The following NRXN1 variants were observed in gnomAD, a reference collection of about 807,000 sequenced individuals.
NRXN1 encodes the protein neurexin 1.
In NRXN1, 39 loss-of-function variants were observed where a neutral mutation model predicts 150.9. That is an observed-to-expected ratio of 0.26 (90% CI 0.20 to 0.34). The LOEUF (loss-of-function observed/expected upper bound fraction) is 0.34. Among genes scored for constraint, NRXN1 ranks in the 10% least tolerant of loss-of-function variants. The pLI, the probability that NRXN1 is intolerant of heterozygous loss-of-function variation, is 1.00. For synonymous variants in NRXN1, 924 were observed against 757.0 expected, an observed-to-expected ratio of 1.22 and a Z score of -3.62; for missense variants, 1,815 against 1,949.9, an observed-to-expected ratio of 0.93 and a Z score of 1.30.
chr2:50,887,679 A>G (rs1231192788), intron 5 of NRXN1, among the ~76,000 whole-genome samples: 1 of 151,364 alleles, frequency 6.6e-6, no homozygotes, highest in Non-Finnish European at 1.5e-5. Context: ...TTTGGAATAC[A>G]TTTTTCATAA....
Position 50,198,968 on chromosome 2 carries a change from C to T in NRXN1, c.3546+37821G>A, listed in dbSNP as rs144730390. 8.8e-3 allele frequency among the ~76,000 whole-genome samples: 1,333 copies of T among 152,140 alleles called. 14 individuals carry two copies. The highest frequency in any genetic ancestry group is 0.078 in the Middle Eastern group (23 of 294). On this transcript the variant is annotated intron_variant, in intron 18 of 22. Transcript: ENST00000401669. The stretch of plus-strand genomic sequence containing the variant: ...ATGGCTGACACTCCCCAGTAGCTGC[C>T]CAAGGATAGCATGGTGGCAGATGCA...
At chr2:50,424,856 T>TTATTTCAA (rs138898841) in intron 17 of NRXN1, among the ~76,000 whole-genome samples, 2 of 152,260 alleles carry the variant, frequency 1.3e-5, no homozygotes, top group African/African-American at 4.8e-5. Context: ...TTAATACCAG[T>TTATTTCAA]AATATCAGTT....
intron 2 of NRXN1, among the ~76,000 whole-genome samples, chr2:50,926,966 C>G (rs1686993353): frequency 6.6e-6 from 1 of 151,810 alleles, no homozygotes; most frequent in South Asian, 2.1e-4. Flanking sequence ...GGCCTGCAAT[C>G]CCGGCAAGAA....
chr2:50,363,492 A>G (rs2079368312), intron 17 of NRXN1, among the ~76,000 whole-genome samples: 1 of 152,234 alleles, frequency 6.6e-6, no homozygotes, highest in Non-Finnish European at 1.5e-5. Context: ...CATGTAAAAA[A>G]GCTCATCATC....
At chr2:50,640,992 G>C (rs13390911) in intron 5 of NRXN1, among the ~76,000 whole-genome samples, 30,064 of 152,102 alleles carry the variant, frequency 0.2, 3,673 homozygotes, top group East Asian at 0.36. Context: ...TCCTGAAACA[G>C]TTTAAGAGAA....
chr2:50,749,213 C>A (rs1334324519), intron 5 of NRXN1, among the ~76,000 whole-genome samples: 1 of 152,196 alleles, frequency 6.6e-6, no homozygotes, highest in East Asian at 1.9e-4. Context: ...TTATCTGAAA[C>A]AACTACTGCT....
chr2:50,501,602 T>C (rs1286324915), intron 13 of NRXN1, among the ~76,000 whole-genome samples: 1 of 151,730 alleles, frequency 6.6e-6, no homozygotes, highest in Non-Finnish European at 1.5e-5. Context: ...TAACTGGATA[T>C]ATGGTGAATG....
intron 17 of NRXN1, among the ~76,000 whole-genome samples, chr2:50,442,639 A>T (rs1449415481): frequency 3.3e-5 from 5 of 152,158 alleles, no homozygotes; most frequent in African/African-American, 1.2e-4. Flanking sequence ...TGAATATGAC[A>T]TGTCTGGGCT....
In NRXN1 at chr2:50,277,306, T is replaced by A. The variant is rs551734732; in HGVS notation, c.3365-40336A>T. On this transcript the variant is annotated intron_variant, in intron 17 of 22. Coordinates refer to ENST00000401669, the MANE Select transcript of NRXN1 (RefSeq NM_001330078.2). ...TGTTAAAAAATGGAGTATAACACTC[T>A]ACTCTGCTGCTTGCTGGCTTTCCTA... Among the ~76,000 whole-genome samples the A allele has an allele frequency of 3.9e-5, 6 of 152,160 alleles. No individual in the cohort carries two copies. The East Asian group carries it at 9.7e-4, about 25-fold the overall frequency.
intron 5 of NRXN1, among the ~76,000 whole-genome samples, chr2:50,759,017 G>T (rs1352485973): frequency 6.6e-6 from 1 of 151,822 alleles, no homozygotes; most frequent in Non-Finnish European, 1.5e-5. Flanking sequence ...TATTAACATG[G>T]GGATTATCTT....
intron 17 of NRXN1, among the ~76,000 whole-genome samples, chr2:50,416,053 C>T (rs1572889991): frequency 6.6e-6 from 1 of 151,858 alleles, no homozygotes; most frequent in Non-Finnish European, 1.5e-5. Context: ...ATCCTAGCCA[C>T]TGGGAATACC....
At chr2:50,925,030 C>A (rs548750796) in intron 3 of NRXN1, among the ~76,000 whole-genome samples, 4 of 151,782 alleles carry the variant, frequency 2.6e-5, no homozygotes, top group African/African-American at 9.6e-5. Context: ...TGCTGTCTTC[C>A]CATATACAAA....
intron 17 of NRXN1, among the ~76,000 whole-genome samples, chr2:50,413,322 C>A (rs1459858124): frequency 6.6e-6 from 1 of 151,976 alleles, no homozygotes; most frequent in South Asian, 2.1e-4. Flanking sequence ...GGCAAACAGG[C>A]ATATGAAAAA....
chr2:50,716,358 A>G (rs1436353029), intron 5 of NRXN1, among the ~76,000 whole-genome samples: 2 of 152,140 alleles, frequency 1.3e-5, no homozygotes, highest in African/African-American at 4.8e-5. Flanking sequence ...GCCGCAATCT[A>G]CAGTAACTTT....
chr2:50,128,082 A>T (rs1704875295), intron 18 of NRXN1, among the ~76,000 whole-genome samples: 1 of 152,232 alleles, frequency 6.6e-6, no homozygotes, highest in Non-Finnish European at 1.5e-5. Context: ...GTTACTGGGT[A>T]AGAAAAAAAG....
At chr2:50,469,429 GA>G (rs1389583746) in intron 16 of NRXN1, among the ~76,000 whole-genome samples, 1 of 151,488 alleles carries the variant, frequency 6.6e-6, no homozygotes, top group Non-Finnish European at 1.5e-5. Flanking sequence ...TATTGGATAG[GA>G]ACAATGGAAA....
chr2:50,542,884 T>C (rs992563714), intron 9 of NRXN1, among the ~76,000 whole-genome samples: 10 of 152,152 alleles, frequency 6.6e-5, no homozygotes, highest in Admixed American at 3.3e-4. Context: ...TTTAAACCAA[T>C]TTAACTCATA....
chr2:50,132,670 T>C (rs950119070), intron 18 of NRXN1, among the ~76,000 whole-genome samples: 1 of 152,094 alleles, frequency 6.6e-6, no homozygotes, highest in Admixed American at 6.6e-5. Flanking sequence ...CAAGACTTCT[T>C]GGCCATGTAT....
chr2:50,057,632 T>C (rs1421592), intron 19 of NRXN1, among the ~76,000 whole-genome samples: 105,249 of 152,112 alleles, frequency 0.69, 37,357 homozygotes, highest in African/African-American at 0.85. Flanking sequence ...TTGCACAATA[T>C]CTATCACATA....
Sources: allele counts gnomAD v4.1 joint callset (sites outside exome capture counted in the v4.1 genomes callset), GRCh38; gene constraint gnomAD v4.1.1; transcripts MANE v1.5; gene names NCBI Gene and HGNC (gene_info 2026-07-23, HGNC 2026-07-21).